The following DLG2 variants were observed in gnomAD, a reference collection of about 807,000 sequenced individuals.
DLG2 encodes disks large homolog 2.
DLG2 carries 45 observed loss-of-function variants against 132.5 expected under a neutral mutation model. The observed-to-expected ratio is 0.34, with a 90% CI of 0.27 to 0.44. The LOEUF is 0.44. Among genes scored for constraint, DLG2 ranks in the 20% least tolerant of loss-of-function variants. DLG2 has a pLI of 1.00. For missense variants in DLG2, 1,045 were observed against 1,196.9 expected, an observed-to-expected ratio of 0.87 and a Z score of 1.87; for synonymous variants, 424 against 419.6, an observed-to-expected ratio of 1.01 and a Z score of -0.13.
intron 4 of DLG2, among the ~76,000 whole-genome samples, chr11:85,197,271 G>A (rs2081140561): frequency 6.6e-6 from 1 of 152,094 alleles, no homozygotes; most frequent in Admixed American, 6.5e-5. Context: ...TAGAACCAGA[G>A]TTCTGTTTTT....
Position 84,011,006 on chromosome 11 carries a change from C to T in DLG2, c.920-30364G>A, listed in dbSNP as rs77938741. On this transcript the variant is annotated intron_variant, in intron 11 of 27. Coordinates refer to ENST00000376104, the MANE Select transcript of DLG2 (RefSeq NM_001142699.3). ...TCACAAACTATGTAATTTTCTCCTT[C>T]CTCTTGTCTTATAAGCTTTTAAAAT... Among the ~76,000 whole-genome samples the T allele has an allele frequency of 8.8e-3, 1,334 of 152,170 alleles. 9 individuals carry two copies. The highest frequency in any genetic ancestry group is 0.031 in the African/African-American group (1,277 of 41,522).
intron 3 of DLG2, among the ~76,000 whole-genome samples, chr11:85,535,364 T>G (rs1565650138): frequency 6.6e-6 from 1 of 152,066 alleles, no homozygotes; most frequent in Non-Finnish European, 1.5e-5. Context: ...GGTCATTGGA[T>G]GGGGTCAAAA....
intron 4 of DLG2, among the ~76,000 whole-genome samples, chr11:85,250,155 C>T (rs2152693491): frequency 6.6e-6 from 1 of 152,278 alleles, no homozygotes; most frequent in Non-Finnish European, 1.5e-5. Context: ...TATGGTTCAG[C>T]ATACGTTTGA....
chr11:84,017,908 T>C (rs540168562), intron 11 of DLG2, among the ~76,000 whole-genome samples: 1 of 152,042 alleles, frequency 6.6e-6, no homozygotes, highest in Non-Finnish European at 1.5e-5. Flanking sequence ...TTGTTTCTGA[T>C]GAGAAGTCAG....
intron 6 of DLG2, among the ~76,000 whole-genome samples, chr11:84,564,674 G>T (rs2099443916): frequency 6.6e-6 from 1 of 151,988 alleles, no homozygotes; most frequent in Non-Finnish European, 1.5e-5. Context: ...CATGGCTCTG[G>T]GTCTCAAGTT....
At chr11:85,122,176 A>G (rs917681741) in intron 5 of DLG2, among the ~76,000 whole-genome samples, 9 of 152,228 alleles carry the variant, frequency 5.9e-5, no homozygotes, top group African/African-American at 1.9e-4. Flanking sequence ...CTAGCAAGAA[A>G]TAGGCACATG....
intron 6 of DLG2, among the ~76,000 whole-genome samples, chr11:84,594,260 T>C (rs915482640): frequency 6.6e-6 from 1 of 152,222 alleles, no homozygotes. Flanking sequence ...GTGGATTTTC[T>C]TTTCTCAAGC....
chr11:84,261,270 T>A (rs1328973415), intron 7 of DLG2, among the ~76,000 whole-genome samples: 1 of 152,192 alleles, frequency 6.6e-6, no homozygotes, highest in African/African-American at 2.4e-5. Flanking sequence ...CAGGCAAGGA[T>A]CCTTACTACT....
chr11:85,627,962 C>G (rs1284524769), upstream of DLG2: 1 of 152,890 alleles, frequency 6.5e-6, no homozygotes, highest in Non-Finnish European at 1.5e-5. Context: ...GCAGTGCCCC[C>G]CACCCCGAGA....
chr11:83,671,289 T>C (rs150112607), intron 18 of DLG2, among the ~76,000 whole-genome samples: 77 of 152,328 alleles, frequency 5.1e-4, no homozygotes, highest in African/African-American at 1.7e-3. Flanking sequence ...ATATAGAACA[T>C]AAATTGAGAT....
At chr11:84,520,604 C>T (rs1363779733) in intron 7 of DLG2, among the ~76,000 whole-genome samples, 2 of 152,138 alleles carry the variant, frequency 1.3e-5, no homozygotes, top group African/African-American at 4.8e-5. Flanking sequence ...CCACCCAACC[C>T]TCACTGCCCA....
intron 6 of DLG2, among the ~76,000 whole-genome samples, chr11:84,626,847 A>ATATTT (rs1555110160): frequency 0.081 from 11,610 of 143,892 alleles, 711 homozygotes; most frequent in East Asian, 0.25. Flanking sequence ...CATCAATTAC[A>ATATTT]TATTTTATTT....
chr11:85,016,439 T>C (rs903280653), intron 6 of DLG2, among the ~76,000 whole-genome samples: 2 of 152,162 alleles, frequency 1.3e-5, no homozygotes, highest in Admixed American at 6.6e-5. Flanking sequence ...TCTTGTTCTT[T>C]AGCCAGCTTG....
At chr11:85,248,967 T>A (rs1355047946) in intron 4 of DLG2, among the ~76,000 whole-genome samples, 1 of 152,064 alleles carries the variant, frequency 6.6e-6, no homozygotes, top group Non-Finnish European at 1.5e-5. Flanking sequence ...ATTTCAAAAT[T>A]CTAAATCAAC....
intron 6 of DLG2, among the ~76,000 whole-genome samples, chr11:84,776,383 C>T (rs902334832): frequency 2.0e-5 from 3 of 152,098 alleles, no homozygotes; most frequent in African/African-American, 7.2e-5. Flanking sequence ...TCTTGAACTC[C>T]TGGGCTCTAG....
intron 6 of DLG2, among the ~76,000 whole-genome samples, chr11:84,605,000 C>A (rs1052762044): frequency 4.0e-5 from 6 of 151,702 alleles, no homozygotes; most frequent in African/African-American, 7.3e-5. Context: ...TATTTGTTTT[C>A]ACATAAATGA....
intron 5 of DLG2, among the ~76,000 whole-genome samples, chr11:85,131,483 C>T (rs985568424): frequency 6.6e-6 from 1 of 152,064 alleles, no homozygotes; most frequent in African/African-American, 2.4e-5. Context: ...TACATAAGGA[C>T]ATACAATTTC....
chr11:83,574,138 A>C (rs1258772369), intron 19 of DLG2, among the ~76,000 whole-genome samples: 2 of 152,182 alleles, frequency 1.3e-5, no homozygotes, highest in Non-Finnish European at 2.9e-5. Context: ...CCCTCACCAC[A>C]TTCTTTTGCA....
intron 5 of DLG2, among the ~76,000 whole-genome samples, chr11:85,145,713 G>A (rs562945154): frequency 2.2e-4 from 34 of 151,960 alleles, no homozygotes; most frequent in African/African-American, 8.0e-4. Flanking sequence ...TAAATTTCTG[G>A]GATAAGATTT....
Sources: gnomAD v4.1 joint callset for allele counts (sites outside exome capture counted in the v4.1 genomes callset) on GRCh38, gnomAD v4.1.1 for gene constraint, MANE v1.5 for transcripts, NCBI Gene and HGNC (gene_info 2026-07-23, HGNC 2026-07-21) for gene names.